The following PCDHGA7 variants were observed in gnomAD, a reference collection of about 807,000 sequenced individuals.
PCDHGA7 encodes protocadherin gamma subfamily A, 7.
Under a neutral mutation model 58.3 loss-of-function variants are expected in PCDHGA7, and 44 were observed. The observed-to-expected ratio is 0.75, with a 90% CI of 0.59 to 0.97. PCDHGA7 has a LOEUF of 0.97. Ranked by LOEUF, PCDHGA7 falls within the 50% of genes least tolerant of loss-of-function variation. The probability of loss-of-function intolerance (pLI) is 0.00; values close to 1 mark genes in which losing one functional copy is unlikely to be tolerated. For missense variants in PCDHGA7, 1,266 were observed against 1,188.7 expected (o/e 1.06, Z -0.96); for synonymous variants, 516 against 504.2 (o/e 1.02, Z -0.31).
chr5:141,477,268 C>A lies in PCDHGA7; in HGVS notation c.2425-17539C>A, dbSNP rs2099408532. On this transcript the variant is annotated intron_variant, in intron 1 of 3. Transcript: ENST00000518325. This position sits in a 1 kb window ranked among gnomAD's most constrained non-coding sequence, Gnocchi z 4.9. ...TGACTGACCTGGATGCTGGCGAGAA[C>A]GGGCTGGTGACCTGCGAAGTTCCAC... 1.2e-6 allele frequency: 2 copies of A among 1,614,078 alleles called. No individual in the cohort carries two copies. Among genetic ancestry groups the A allele is most frequent in the Non-Finnish European group, 1.7e-6 (2 of 1,180,038 alleles).
Position 141,489,161 on chromosome 5 carries a change from A to T in PCDHGA7, c.2425-5646A>T. ...GCTGGAAGGAGACATAAGAGACTTC[A>T]GCTGCTGCATTCCAAGCCCTGGGTC... On this transcript the variant is annotated intron_variant, in intron 1 of 3. Coordinates refer to ENST00000518325, the MANE Select transcript of PCDHGA7 (RefSeq NM_018920.4). The surrounding 1 kb of genome is among the most constrained non-coding windows in gnomAD (Gnocchi z 4.5). 1.9e-6 allele frequency: 2 copies of T among 1,040,278 alleles called. No individual in the cohort carries two copies. The highest frequency in any genetic ancestry group is 2.8e-6 in the Non-Finnish European group (2 of 709,676). 64.4% of individuals were successfully genotyped at this position (1,040,278 alleles called of 1,614,324 possible).
At chr5:141,455,394 C>T (rs1034564159) in intron 1 of PCDHGA7, among the ~76,000 whole-genome samples, 2 of 152,004 alleles carry the variant, frequency 1.3e-5, no homozygotes, top group African/African-American at 4.8e-5. Context: ...AAGGAGCTCC[C>T]CCTTACAGAG....
chr5:141,393,016 C>G, intron 1 of PCDHGA7: 1 of 1,613,872 alleles, frequency 6.2e-7, no homozygotes, highest in East Asian at 2.2e-5. Flanking sequence ...CGTATCGTCT[C>G]CAGAGGTAGG....
chr5:141,486,559 G>A lies in PCDHGA7; in HGVS notation c.2425-8248G>A. ...CTTTCTTTCAGAGGTCACATGAGGTGTTTGTTCCTGAGAACAATCGCCCAG... is the reference window on the plus strand; with the variant it reads ...CTTTCTTTCAGAGGTCACATGAGGTATTTGTTCCTGAGAACAATCGCCCAG... On this transcript the variant is annotated intron_variant, in intron 1 of 3. Transcript: ENST00000518325. This position sits in a 1 kb window ranked among gnomAD's most constrained non-coding sequence, Gnocchi z 5.0. 6.2e-7 allele frequency: 1 copy of A among 1,614,032 alleles called. No individual in the cohort carries two copies. Among genetic ancestry groups the A allele is most frequent in the Non-Finnish European group, 8.5e-7 (1 of 1,180,022 alleles).
intron 1 of PCDHGA7, chr5:141,419,406 C>A (rs367731612): frequency 1.9e-6 from 3 of 1,613,404 alleles, no homozygotes; most frequent in Non-Finnish European, 2.5e-6. Context: ...GTGGTGTTCG[C>A]GCAGCGCGCC....
At chr5:141,419,290 T>C (rs1160812369) in intron 1 of PCDHGA7, 1 of 1,613,914 alleles carries the variant, frequency 6.2e-7, no homozygotes, top group African/African-American at 1.3e-5. Context: ...TCAGTGCCTC[T>C]GACCCAGACT....
intron 1 of PCDHGA7, chr5:141,396,614 C>G (rs904107360): frequency 1.3e-5 from 2 of 149,602 alleles, no homozygotes; most frequent in African/African-American, 4.9e-5. Flanking sequence ...GGTGAGACTC[C>G]GTCTCAAAAA....
At chr5:141,386,031 T>C (rs1010302626) in intron 1 of PCDHGA7, 2 of 152,232 alleles carry the variant, frequency 1.3e-5, no homozygotes, top group Non-Finnish European at 1.5e-5. Flanking sequence ...ATTTGTGACA[T>C]AGGCAATTAC....
chr5:141,450,085 C>T (rs997781052), intron 1 of PCDHGA7, among the ~76,000 whole-genome samples: 3 of 149,208 alleles, frequency 2.0e-5, no homozygotes, highest in Non-Finnish European at 4.4e-5. Context: ...TGGCTCACTG[C>T]AACCTCCGCC....
chr5:141,492,320 G>A (rs1001784912), intron 1 of PCDHGA7, among the ~76,000 whole-genome samples: 1 of 152,206 alleles, frequency 6.6e-6, no homozygotes. Flanking sequence ...CTCCTCGCAC[G>A]TGGGCTTACG....
In PCDHGA7 at chr5:141,486,981, A is replaced by G. The variant is rs1457098151; in HGVS notation, c.2425-7826A>G. Reference sequence around the variant, plus strand: ...GCTGTGGACTTGGATTCAGGTTACAATGCTTGGGTTTCCTATCAGCTCCTG... The same window carrying G: ...GCTGTGGACTTGGATTCAGGTTACAGTGCTTGGGTTTCCTATCAGCTCCTG... On this transcript the variant is annotated intron_variant, in intron 1 of 3. Coordinates refer to ENST00000518325, the MANE Select transcript of PCDHGA7 (RefSeq NM_018920.4). The surrounding 1 kb of genome is among the most constrained non-coding windows in gnomAD (Gnocchi z 5.0). 17 of 1,614,038 alleles carry G rather than the reference A, an allele frequency of 1.1e-5. No individual in the cohort carries two copies. The highest frequency in any genetic ancestry group is 4.0e-5 in the African/African-American group (3 of 74,922).
chr5:141,417,683 A>AAG lies in PCDHGA7; in HGVS notation c.2424+32361_2424+32362insGA, dbSNP rs201105096. 3.0e-3 allele frequency: 3,154 copies of AAG among 1,038,272 alleles called. 110 individuals carry two copies. In the East Asian group the frequency reaches 0.071, roughly 24 times the overall value. The allele number at this position is 1,038,272 out of a possible 1,614,324, so 64.3% of individuals were successfully genotyped here. The stretch of plus-strand genomic sequence containing the variant: ...GATTCCCTGCGCAGCCAACAACAGA[A>AAG]AAGAAAACCAGCTCCCACACAGAGG... On this transcript the variant is annotated intron_variant, in intron 1 of 3. Transcript: ENST00000518325.
chr5:141,471,338 A>G (rs1562030662), intron 1 of PCDHGA7: 1 of 152,234 alleles, frequency 6.6e-6, no homozygotes, highest in Non-Finnish European at 1.5e-5. Context: ...GGTATGATCC[A>G]CTGCGCCCGG....
At chr5:141,480,167 G>C (rs752444894) in intron 1 of PCDHGA7, among the ~76,000 whole-genome samples, 3 of 151,964 alleles carry the variant, frequency 2.0e-5, no homozygotes, top group Non-Finnish European at 2.9e-5. Flanking sequence ...ATTTTGGGAG[G>C]CTGAGGCAGG....
Position 141,419,025 on chromosome 5 carries a change from G to T in PCDHGA7, c.2424+33702G>T, listed in dbSNP as rs2096315076. 6.2e-6 allele frequency: 10 copies of T among 1,613,736 alleles called. No homozygotes were observed. In the East Asian group the frequency reaches 2.0e-4, roughly 32 times the overall value. On this transcript the variant is annotated intron_variant, in intron 1 of 3. Transcript: ENST00000518325. ...GAAGTCAGGTGTAGCTTAAGTAGAG[G>T]TGTTCCATTTAAGATTCATTCTTCT...
chr5:141,426,887 G>A (rs1309180455), intron 1 of PCDHGA7: 1 of 456,646 alleles, frequency 2.2e-6, no homozygotes, highest in Non-Finnish European at 4.4e-6. Context: ...TGGGCCAGGA[G>A]CAACAGAGCT....
intron 1 of PCDHGA7, among the ~76,000 whole-genome samples, chr5:141,463,438 CTTTTTTTTTTTTTTTT>C (rs71576115): frequency 1.9e-5 from 2 of 103,256 alleles, no homozygotes; most frequent in African/African-American, 4.5e-5. Context: ...TTTCCTTCTC[CTTTTTTTTTTTTTTTT>C]TTTTTTTTTT....
At chr5:141,496,373 C>T (rs1315450867) in intron 2 of PCDHGA7, among the ~76,000 whole-genome samples, 2 of 152,216 alleles carry the variant, frequency 1.3e-5, no homozygotes. Flanking sequence ...GAAGCAGGAG[C>T]TTGGGCCACC....
chr5:141,389,977 CAG>C (rs1303197054), intron 1 of PCDHGA7: 1 of 1,613,936 alleles, frequency 6.2e-7, no homozygotes, highest in Non-Finnish European at 8.5e-7. Flanking sequence ...GCCTTGATCT[CAG>C]TGCTCTTCCT....
Sources: allele counts gnomAD v4.1 joint callset (sites outside exome capture counted in the v4.1 genomes callset), GRCh38; gene constraint gnomAD v4.1.1; non-coding constraint Gnocchi (gnomAD v3.1); transcripts MANE v1.5; gene names NCBI Gene and HGNC (gene_info 2026-07-23, HGNC 2026-07-21).